The following CSMD1 variants were observed in gnomAD, a reference collection of about 807,000 sequenced individuals.
CSMD1 encodes CUB and sushi domain-containing protein 1.
CSMD1 carries 213 observed loss-of-function variants against 417.5 expected under a neutral mutation model. The observed-to-expected ratio is 0.51, with a 90% CI of 0.46 to 0.57. The LOEUF is 0.57. Ranked by LOEUF, CSMD1 falls within the 20% of genes least tolerant of loss-of-function variation. CSMD1 has a pLI of 0.00. For synonymous variants in CSMD1, 2,862 were observed against 1,736.8 expected, an observed-to-expected ratio of 1.65 and a Z score of -16.11; for missense variants, 6,923 against 4,529.7, an observed-to-expected ratio of 1.53 and a Z score of -15.17.
chr8:4,058,883 CGAGA>C (rs533020732), intron 3 of CSMD1, among the ~76,000 whole-genome samples: 2,035 of 151,406 alleles, frequency 0.013, 51 homozygotes, highest in African/African-American at 0.047. Flanking sequence ...GACAGATCAA[CGAGA>C]GAGAAAGTTA....
At chr8:4,937,091 T>C (rs1343895612) in intron 1 of CSMD1, among the ~76,000 whole-genome samples, 6 of 152,236 alleles carry the variant, frequency 3.9e-5, no homozygotes, top group South Asian at 4.1e-4. Context: ...CACACACCTG[T>C]AGTCCCAGCT....
At chr8:4,528,823 A>G (rs964094999) in intron 2 of CSMD1, among the ~76,000 whole-genome samples, 1 of 151,982 alleles carries the variant, frequency 6.6e-6, no homozygotes, top group African/African-American at 2.4e-5. Flanking sequence ...CACACACACC[A>G]TGAAAACTTC....
chr8:4,036,150 C>T (rs971324362), intron 3 of CSMD1, among the ~76,000 whole-genome samples: 1 of 152,104 alleles, frequency 6.6e-6, no homozygotes. Context: ...TAGTAGGCCG[C>T]AAAACTTGGG....
intron 52 of CSMD1, among the ~76,000 whole-genome samples, chr8:3,001,770 C>T (rs1240229153): frequency 6.6e-6 from 1 of 152,192 alleles, no homozygotes; most frequent in Non-Finnish European, 1.5e-5. Flanking sequence ...CGGAGACTTT[C>T]CCTGCCCACT....
Position 4,575,200 on chromosome 8 carries a change from G to C in CSMD1, c.302+62142C>G, listed in dbSNP as rs1799081618. Among the ~76,000 whole-genome samples, 2 of 152,068 alleles carry C rather than the reference G, an allele frequency of 1.3e-5. 1 individual carries two copies. The highest frequency in any genetic ancestry group is 4.8e-5 in the African/African-American group (2 of 41,390). On this transcript the variant is annotated intron_variant, in intron 2 of 69. Transcript: ENST00000635120. ...TATCTTATCACTTGACCTCTTCCAA[G>C]GTTACTATAATTCTCCTAAAAATAC... is the stretch of plus-strand genomic sequence containing the variant.
chr8:2,978,095 G>C (rs1351748530), intron 55 of CSMD1, among the ~76,000 whole-genome samples: 1 of 152,130 alleles, frequency 6.6e-6, no homozygotes, highest in Non-Finnish European at 1.5e-5. Context: ...AAGGATATGA[G>C]GTTTTTATTG....
intron 25 of CSMD1, among the ~76,000 whole-genome samples, chr8:3,298,380 G>A (rs920042468): frequency 2.0e-5 from 3 of 152,168 alleles, no homozygotes; most frequent in Admixed American, 2.0e-4. Context: ...ATTATATCAG[G>A]AAATATCTAA....
chr8:3,906,220 G>A (rs1408640996), intron 5 of CSMD1, among the ~76,000 whole-genome samples: 1 of 151,910 alleles, frequency 6.6e-6, no homozygotes, highest in South Asian at 2.1e-4. Flanking sequence ...TATCTTGATT[G>A]TGACCACAAA....
At chr8:3,990,674 T>C (rs899598071) in intron 5 of CSMD1, among the ~76,000 whole-genome samples, 10 of 152,336 alleles carry the variant, frequency 6.6e-5, no homozygotes, top group Admixed American at 2.0e-4. Flanking sequence ...ATGCTATTTC[T>C]AGAATTTGTG....
chr8:4,965,946 A>G (rs190052080), intron 1 of CSMD1, among the ~76,000 whole-genome samples: 14 of 152,172 alleles, frequency 9.2e-5, no homozygotes, highest in Admixed American at 9.2e-4. Context: ...ATCTCTCAAC[A>G]TGTGTGAGCA....
intron 49 of CSMD1, among the ~76,000 whole-genome samples, chr8:3,054,355 T>C (rs1438304670): frequency 1.3e-5 from 2 of 152,174 alleles, no homozygotes; most frequent in African/African-American, 2.4e-5. Flanking sequence ...CAGTGGCTCA[T>C]GCCTGTAATC....
chr8:2,951,609 C>T (rs1404811571), intron 65 of CSMD1, among the ~76,000 whole-genome samples: 4 of 152,042 alleles, frequency 2.6e-5, no homozygotes, highest in Non-Finnish European at 4.4e-5. Context: ...TTTTATTGTG[C>T]TTAGCAAGAA....
chr8:3,945,478 C>T (rs1384209633), intron 5 of CSMD1, among the ~76,000 whole-genome samples: 1 of 152,026 alleles, frequency 6.6e-6, no homozygotes, highest in African/African-American at 2.4e-5. Context: ...CTTAGTTACT[C>T]TTCAACTGTG....
chr8:4,125,036 CG>C (rs1288677774), intron 3 of CSMD1, among the ~76,000 whole-genome samples: 2 of 152,112 alleles, frequency 1.3e-5, no homozygotes, highest in African/African-American at 4.8e-5. Flanking sequence ...GGGGTCCGCA[CG>C]TTTCTCTAAT....
chr8:3,614,962 G>C (rs111254415), intron 8 of CSMD1, among the ~76,000 whole-genome samples: 14 of 152,326 alleles, frequency 9.2e-5, no homozygotes, highest in African/African-American at 3.4e-4. Flanking sequence ...TGAAAGACAT[G>C]ACTGTTGACA....
intron 6 of CSMD1, among the ~76,000 whole-genome samples, chr8:3,719,584 G>A (rs13272777): frequency 8.5e-5 from 13 of 152,086 alleles, no homozygotes; most frequent in African/African-American, 1.2e-4. Context: ...TACATCTCTT[G>A]CAAGAGTGCT....
At chr8:3,111,677 C>A (rs769063116) in intron 42 of CSMD1, among the ~76,000 whole-genome samples, 1 of 151,974 alleles carries the variant, frequency 6.6e-6, no homozygotes, top group African/African-American at 2.4e-5. Context: ...ACTAAAAATA[C>A]AAAAATCAGC....
chr8:4,287,991 T>C (rs1054988262), intron 3 of CSMD1, among the ~76,000 whole-genome samples: 3 of 152,138 alleles, frequency 2.0e-5, no homozygotes, highest in African/African-American at 4.8e-5. Context: ...AATTAAGGTT[T>C]GATTTAAAGT....
intron 17 of CSMD1, among the ~76,000 whole-genome samples, chr8:3,390,790 T>G (rs1373094575): frequency 6.6e-6 from 1 of 152,164 alleles, no homozygotes; most frequent in Non-Finnish European, 1.5e-5. Context: ...TGAGCAGGGT[T>G]CTGTATGAAT....
Sources: allele counts gnomAD v4.1 joint callset (sites outside exome capture counted in the v4.1 genomes callset), GRCh38; gene constraint gnomAD v4.1.1; transcripts MANE v1.5; gene names NCBI Gene and HGNC (gene_info 2026-07-23, HGNC 2026-07-21).